Variants in ACVR1C observed in about 807,000 individuals in gnomAD.
ACVR1C encodes the protein activin receptor type-1C.
In ACVR1C, 23 loss-of-function variants were observed where a neutral mutation model predicts 57.9. The ratio of observed to expected loss-of-function variants is 0.40; its 90% CI spans 0.29 to 0.56. ACVR1C has a LOEUF of 0.56. Ranked by LOEUF, ACVR1C falls within the 20% of genes least tolerant of loss-of-function variation. The pLI is 0.50. For synonymous variants in ACVR1C, 214 were observed against 215.3 expected, an observed-to-expected ratio of 0.99 and a Z score of 0.05; for missense variants, 480 against 607.9, an observed-to-expected ratio of 0.79 and a Z score of 2.21.
chr2:157,577,815 C>T (rs892428763), intron 2 of ACVR1C, among the ~76,000 whole-genome samples: 1 of 151,912 alleles, frequency 6.6e-6, no homozygotes, highest in African/African-American at 2.4e-5. Context: ...CTGTGTGCTT[C>T]CTTTTCTCTC....
intron 2 of ACVR1C, among the ~76,000 whole-genome samples, chr2:157,567,092 C>T (rs1007886206): frequency 3.1e-5 from 3 of 96,090 alleles, no homozygotes; most frequent in African/African-American, 1.4e-4. Context: ...GGAGGCACCC[C>T]CCAGCAGGGG....
intron 1 of ACVR1C, among the ~76,000 whole-genome samples, chr2:157,616,859 A>C (rs931618828): frequency 3.3e-5 from 5 of 152,044 alleles, no homozygotes; most frequent in African/African-American, 1.2e-4. Context: ...ATCCACAAAG[A>C]AAGTAAAATG....
At chr2:157,619,434 T>TATATTAGAAGAG (rs1558999267) in intron 1 of ACVR1C, among the ~76,000 whole-genome samples, 1 of 151,964 alleles carries the variant, frequency 6.6e-6, no homozygotes, top group African/African-American at 2.4e-5. Flanking sequence ...GTTAAATATG[T>TATATTAGAAGAG]ATATTAGAAG....
intron 1 of ACVR1C, among the ~76,000 whole-genome samples, chr2:157,596,238 A>T (rs531652617): frequency 7.9e-5 from 12 of 152,200 alleles, no homozygotes; most frequent in Middle Eastern, 3.4e-3. Flanking sequence ...ATAGAAATAG[A>T]TATAGAAATC....
rs1687292068 is a variant in ACVR1C at position 157,528,789 on chromosome 2, CT to C, written c.*5128del. ...AGCTAGAATACAAATAACAGCTAGT[CT>C]TTTTAGGTTTTAAAAGAAAAATCAT... On this transcript the variant is annotated 3_prime_UTR_variant, in exon 9 of 9. Coordinates refer to ENST00000243349, the MANE Select transcript of ACVR1C (RefSeq NM_145259.3). 6.6e-6 allele frequency: 1 copy of C among 152,102 alleles called. No individual in the cohort carries two copies. The highest frequency in any genetic ancestry group is 1.5e-5 in the Non-Finnish European group (1 of 68,004). The allele number at this position is 152,102 out of a possible 1,614,324, so 9.4% of individuals were successfully genotyped here. A position where few individuals can be genotyped will look rare whatever the true frequency, so the allele number is the denominator to read the frequency against.
chr2:157,534,638 A>C (rs1348564514), intron 8 of ACVR1C, among the ~76,000 whole-genome samples: 1 of 152,224 alleles, frequency 6.6e-6, no homozygotes, highest in Non-Finnish European at 1.5e-5. Flanking sequence ...TTATGATCCA[A>C]GTATAAATAT....
At chr2:157,540,110 TA>T (rs1417284210) in intron 7 of ACVR1C, among the ~76,000 whole-genome samples, 2 of 152,240 alleles carry the variant, frequency 1.3e-5, no homozygotes, top group African/African-American at 4.8e-5. Flanking sequence ...ATTAAATCCT[TA>T]AAGCCCATGG....
chr2:157,592,736 A>T (rs1442255961), intron 1 of ACVR1C, among the ~76,000 whole-genome samples: 1 of 152,132 alleles, frequency 6.6e-6, no homozygotes, highest in Non-Finnish European at 1.5e-5. Context: ...GCTGCCAATT[A>T]CAATATAAGT....
chr2:157,563,845 T>A (rs939391525), intron 2 of ACVR1C, among the ~76,000 whole-genome samples: 1 of 152,132 alleles, frequency 6.6e-6, no homozygotes, highest in Non-Finnish European at 1.5e-5. Context: ...TTGACAAACC[T>A]GACAAAAACA....
chr2:157,568,123 T>G (rs1688443030), intron 2 of ACVR1C, among the ~76,000 whole-genome samples: 2 of 137,878 alleles, frequency 1.5e-5, no homozygotes, highest in South Asian at 5.4e-4. Flanking sequence ...GCTTCATAAG[T>G]GAAGGAGAAA....
At chr2:157,595,822 G>A (rs138687970) in intron 1 of ACVR1C, among the ~76,000 whole-genome samples, 1 of 152,042 alleles carries the variant, frequency 6.6e-6, no homozygotes. Flanking sequence ...TGTTCCCTTT[G>A]CCTGTAGTAT....
intron 2 of ACVR1C, among the ~76,000 whole-genome samples, chr2:157,579,643 T>C (rs1023024633): frequency 6.6e-6 from 1 of 152,220 alleles, no homozygotes; most frequent in Non-Finnish European, 1.5e-5. Flanking sequence ...CTCTTTCCTG[T>C]TGTCCTTATT....
At chr2:157,597,971 TAAG>T (rs1453545650) in intron 1 of ACVR1C, among the ~76,000 whole-genome samples, 2 of 152,168 alleles carry the variant, frequency 1.3e-5, no homozygotes, top group Admixed American at 6.5e-5. Flanking sequence ...TTCTAAATTG[TAAG>T]AAGAAATGAG....
At chr2:157,612,631 C>T (rs796602130) in intron 1 of ACVR1C, among the ~76,000 whole-genome samples, 8 of 152,322 alleles carry the variant, frequency 5.3e-5, no homozygotes, top group African/African-American at 1.9e-4. Flanking sequence ...TCTCACAGCC[C>T]CAGACAGGGA....
chr2:157,628,472 T>C (rs964055273), intron 1 of ACVR1C, 100 bp downstream of exon 1: 34 of 1,357,058 alleles, frequency 2.5e-5, no homozygotes, highest in Non-Finnish European at 3.3e-5. Flanking sequence ...CGAAGGTCAG[T>C]TTGCTCGGAG....
intron 2 of ACVR1C, among the ~76,000 whole-genome samples, chr2:157,575,231 C>G (rs1688615545): frequency 6.6e-6 from 1 of 151,516 alleles, no homozygotes; most frequent in Admixed American, 6.6e-5. Flanking sequence ...CGGGTTCAAG[C>G]GATTCTCCTG....
chr2:157,557,995 C>G (rs1026554477), intron 2 of ACVR1C, among the ~76,000 whole-genome samples: 2 of 152,094 alleles, frequency 1.3e-5, no homozygotes, highest in African/African-American at 4.8e-5. Flanking sequence ...CCATTTCATC[C>G]CCTTGTCCTA....
intron 1 of ACVR1C, among the ~76,000 whole-genome samples, chr2:157,620,412 C>A (rs1219122881): frequency 6.6e-6 from 1 of 151,984 alleles, no homozygotes; most frequent in African/African-American, 2.4e-5. Flanking sequence ...AAAAAAGATA[C>A]ACTTCCAGGG....
chr2:157,533,832 A>C lies in ACVR1C; in HGVS notation c.*86T>G. Reference sequence around the variant, plus strand: ...TACTGTCTTATCTTTGAGGTAGAACAAAAAAAAAATGGCAAAAACATTCAC... The same window carrying C: ...TACTGTCTTATCTTTGAGGTAGAACCAAAAAAAAATGGCAAAAACATTCAC... On this transcript the variant is annotated 3_prime_UTR_variant, in exon 9 of 9. Coordinates refer to ENST00000243349, the MANE Select transcript of ACVR1C (RefSeq NM_145259.3). 1 of 889,310 alleles carries C rather than the reference A, an allele frequency of 1.1e-6. No homozygotes were observed. The highest frequency in any genetic ancestry group is 1.5e-6 in the Non-Finnish European group (1 of 670,256). The allele number at this position is 889,310 out of a possible 1,614,324, so 55.1% of individuals were successfully genotyped here.
Sources: gnomAD v4.1 joint callset for allele counts (sites outside exome capture counted in the v4.1 genomes callset) on GRCh38, gnomAD v4.1.1 for gene constraint, MANE v1.5 for transcripts, NCBI Gene and HGNC (gene_info 2026-07-23, HGNC 2026-07-21) for gene names.